CTPS2: variants seen among roughly 807,000 people sequenced by gnomAD.
CTPS2 encodes CTP synthase 2.
In CTPS2, 19 loss-of-function variants were observed where a neutral mutation model predicts 46.8. The ratio of observed to expected loss-of-function variants is 0.41; its 90% CI spans 0.28 to 0.60. The LOEUF (loss-of-function observed/expected upper bound fraction) is 0.60. Ranked by LOEUF, CTPS2 falls within the 20% of genes least tolerant of loss-of-function variation. The pLI is 0.35. For synonymous variants in CTPS2, 151 were observed against 165.2 expected, an observed-to-expected ratio of 0.91 and a Z score of 0.66; for missense variants, 286 against 447.6, an observed-to-expected ratio of 0.64 and a Z score of 3.26.
intron 6 of CTPS2, among the ~76,000 whole-genome samples, chrX:16,692,710 G>A (rs1417333532): frequency 9.0e-6 from 1 of 111,023 alleles, no homozygotes; most frequent in East Asian, 2.8e-4. Context: ...AAACCTCATT[G>A]TCACAGGAGC....
chrX:16,708,295 T>A (rs896487652), intron 1 of CTPS2, among the ~76,000 whole-genome samples: 2 of 111,454 alleles, frequency 1.8e-5, no homozygotes, highest in African/African-American at 6.5e-5. Context: ...ACTGAAGCTA[T>A]TCAAAATATA....
At chrX:16,612,382 T>G (rs1183052339) in intron 16 of CTPS2, among the ~76,000 whole-genome samples, 1 of 112,182 alleles carries the variant, frequency 8.9e-6, no homozygotes, top group East Asian at 2.8e-4. Flanking sequence ...CAAGGTTTTA[T>G]AGCAGCTCTC....
At position 16,589,011 on chromosome X, in the gene CTPS2, T is replaced by C. The variant is rs1267523081; in HGVS notation, c.*806A>G. 8.9e-6 allele frequency: 1 copy of C among 112,404 alleles called. No individual in the cohort carries two copies. The highest frequency in any genetic ancestry group is 1.9e-5 in the Non-Finnish European group (1 of 53,352). 9.3% of individuals were successfully genotyped at this position (112,404 alleles called of 1,213,427 possible). ...CACAGTCAAAATGCAGTCGAAACTT[T>C]GTTTCATGCACAAAATTATTTAAAA... On this transcript the variant is annotated 3_prime_UTR_variant, in exon 19 of 19. Transcript: ENST00000359276.
chrX:16,703,462 C>T (rs1924742482), intron 1 of CTPS2, among the ~76,000 whole-genome samples: 1 of 110,291 alleles, frequency 9.1e-6, no homozygotes, highest in African/African-American at 3.3e-5. Context: ...TCCAGAGTGG[C>T]TGGGACTACA....
intron 6 of CTPS2, among the ~76,000 whole-genome samples, 190 bp from the exon 7 acceptor site, chrX:16,691,810 C>T (rs1029929356): frequency 4.5e-5 from 5 of 112,231 alleles, no homozygotes; most frequent in African/African-American, 1.3e-4. Context: ...AGTAAGAACT[C>T]GAAACATCGA....
intron 15 of CTPS2, among the ~76,000 whole-genome samples, 187 bp downstream of exon 15, chrX:16,620,090 C>A (rs1442759666): frequency 9.0e-6 from 1 of 110,625 alleles, no homozygotes; most frequent in Non-Finnish European, 1.9e-5. Context: ...CTCCGCCCCC[C>A]ACTCCCCACC....
rs1002013075 is a variant in CTPS2 at position 16,654,624 on chromosome X, T to C, written c.1296+12890A>G. 6.7e-5 allele frequency: 27 copies of C among 401,650 alleles called. No homozygotes were observed. The Admixed American group carries it at 1.2e-3, about 18-fold the overall frequency. 33.1% of individuals were successfully genotyped at this position (401,650 alleles called of 1,213,427 possible). A position where few individuals can be genotyped will look rare whatever the true frequency, so the allele number is the denominator to read the frequency against. On this transcript the variant is annotated intron_variant, in intron 13 of 18. Coordinates refer to ENST00000359276, the MANE Select transcript of CTPS2 (RefSeq NM_175859.3). ...TTAATTCTTTGCAATTATAATAACC[T>C]GGCTGTGAGGTTCAGTTATTATTAA...
chrX:16,660,504 C>T (rs1032906883), intron 13 of CTPS2, among the ~76,000 whole-genome samples: 32 of 110,335 alleles, frequency 2.9e-4, no homozygotes, highest in African/African-American at 1.0e-3. Flanking sequence ...CAGGTTCAAG[C>T]GATTCCCCTG....
At chrX:16,611,409 C>A (rs753193180) in intron 16 of CTPS2, among the ~76,000 whole-genome samples, 1 of 109,533 alleles carries the variant, frequency 9.1e-6, no homozygotes, top group Admixed American at 9.8e-5. Context: ...CATGATAATA[C>A]CACTGCACTC....
intron 8 of CTPS2, among the ~76,000 whole-genome samples, chrX:16,683,455 C>T (rs1265643003): frequency 9.0e-6 from 1 of 110,648 alleles, no homozygotes; most frequent in African/African-American, 3.3e-5. Flanking sequence ...AAAAATTAGC[C>T]AGGCGTGGTG....
intron 10 of CTPS2, among the ~76,000 whole-genome samples, chrX:16,674,655 G>T (rs1184261025): frequency 1.9e-5 from 2 of 104,271 alleles, no homozygotes; most frequent in Non-Finnish European, 3.9e-5. Flanking sequence ...TGGCTAACAC[G>T]GTGAAACCCC....
At chrX:16,594,241 G>A (rs1467051986) in intron 17 of CTPS2, among the ~76,000 whole-genome samples, 4 of 111,061 alleles carry the variant, frequency 3.6e-5, no homozygotes, top group Non-Finnish European at 3.8e-5. Flanking sequence ...ATTTCCTTGC[G>A]TGCCAGATTT....
chrX:16,627,110 T>G (rs929114656), intron 14 of CTPS2: 9 of 113,630 alleles, frequency 7.9e-5, no homozygotes, highest in African/African-American at 2.9e-4. Context: ...AACCACTACC[T>G]GCTGGGCTTC....
intron 13 of CTPS2, chrX:16,650,974 G>C (rs1932591707): frequency 8.4e-7 from 1 of 1,190,594 alleles, no homozygotes; most frequent in Non-Finnish European, 1.1e-6. Context: ...TTTTTGGTAA[G>C]TTTATTTTCT....
At chrX:16,636,135 C>T (rs1352328261) in intron 14 of CTPS2, among the ~76,000 whole-genome samples, 1 of 112,125 alleles carries the variant, frequency 8.9e-6, no homozygotes, top group African/African-American at 3.2e-5. Flanking sequence ...CATGGTGGCT[C>T]ACGCCTGTAA....
chrX:16,691,618 A>G lies in CTPS2; in HGVS notation c.642T>C (p.Ile214=), dbSNP rs772037620. ...LRGLGLSPDL[I]VCRSSTPIEM... is the part of the protein sequence containing the mutation. Reference sequence around the variant, plus strand: ...CAATGGGCGTTGAACTTCGGCAGACAATCTGTCAAAGCCAGTTATGCTTCA... The same window carrying G: ...CAATGGGCGTTGAACTTCGGCAGACGATCTGTCAAAGCCAGTTATGCTTCA... Residue 214 remains isoleucine, a splice_region_variant and synonymous_variant, in exon 7 of 19, where the codon ATT becomes ATC. Transcript: ENST00000359276. 3.3e-6 allele frequency: 4 copies of G among 1,202,593 alleles called. No individual in the cohort carries two copies. In the Admixed American group the frequency reaches 6.6e-5, roughly 20 times the overall value.
chrX:16,620,215 A>G (rs1930747652), intron 15 of CTPS2, 62 bp downstream of exon 15: 1 of 951,119 alleles, frequency 1.1e-6, no homozygotes, highest in Admixed American at 2.3e-5. Context: ...CTCAGCTTGT[A>G]ATCACTGGGT....
At chrX:16,612,978 T>A (rs1446141686) in intron 16 of CTPS2, among the ~76,000 whole-genome samples, 1 of 112,419 alleles carries the variant, frequency 8.9e-6, no homozygotes, top group Non-Finnish European at 1.9e-5. Context: ...GCTTTCCTTC[T>A]TTCAGGTCTA....
chrX:16,622,740 C>G, intron 14 of CTPS2, among the ~76,000 whole-genome samples: 1 of 111,666 alleles, frequency 9.0e-6, no homozygotes, highest in Non-Finnish European at 1.9e-5. Flanking sequence ...TGGCTTAAGG[C>G]AGACTCTGTA....
Sources: allele counts gnomAD v4.1 joint callset (sites outside exome capture counted in the v4.1 genomes callset), GRCh38; gene constraint gnomAD v4.1.1; transcripts MANE v1.5; gene names NCBI Gene and HGNC (gene_info 2026-07-23, HGNC 2026-07-21).